KIF5C: variants seen among roughly 807,000 people sequenced by gnomAD.
The protein encoded by KIF5C is kinesin family member 5C, also known as kinesin heavy chain isoform 5C.
KIF5C carries 18 observed loss-of-function variants against 125.2 expected under a neutral mutation model. The ratio of observed to expected loss-of-function variants is 0.14; its 90% CI spans 0.10 to 0.21. The LOEUF is 0.21. KIF5C is among the 10% of genes least tolerant of loss of function. KIF5C has a pLI of 1.00. For synonymous variants in KIF5C, 405 were observed against 434.0 expected (o/e 0.93, Z 0.83); for missense variants, 780 against 1,183.8 (o/e 0.66, Z 5.01).
Position 148,912,194 on chromosome 2 carries a change from AG to A in KIF5C, c.127-9939del, listed in dbSNP as rs548668031. On this transcript the variant is annotated intron_variant, in intron 1 of 25. Coordinates refer to ENST00000435030, the MANE Select transcript of KIF5C (RefSeq NM_004522.3). Reference sequence around the variant, plus strand: ...ATGGTGGAACTTCAAGTCAGGAAGCAGGGGCAGGGGCTGGCAGAAGGAAGTG... The same window carrying A: ...ATGGTGGAACTTCAAGTCAGGAAGCAGGGCAGGGGCTGGCAGAAGGAAGTG... Among the ~76,000 whole-genome samples the A allele has an allele frequency of 1.7e-3, 255 of 152,350 alleles. 1 individual carries two copies. The highest frequency in any genetic ancestry group is 5.9e-3 in the African/African-American group (246 of 41,586).
intron 1 of KIF5C, among the ~76,000 whole-genome samples, chr2:148,895,681 C>G (rs1681819954): frequency 6.6e-6 from 1 of 152,132 alleles, no homozygotes; most frequent in Non-Finnish European, 1.5e-5. Context: ...CAAAATACTA[C>G]AGACTCAGTG....
At chr2:148,886,323 C>T (rs981480985) in intron 1 of KIF5C, 1 of 152,522 alleles carries the variant, frequency 6.6e-6, no homozygotes, top group African/African-American at 2.4e-5. Context: ...ACTTTTTTCT[C>T]TCCTCTCTGA....
chr2:148,907,990 G>T (rs1235599114), intron 1 of KIF5C, among the ~76,000 whole-genome samples: 1 of 152,224 alleles, frequency 6.6e-6, no homozygotes, highest in South Asian at 2.1e-4. Context: ...GGCTGTTCCT[G>T]TCTCAAATCT....
chr2:148,925,755 G>A (rs1325774578), intron 2 of KIF5C, among the ~76,000 whole-genome samples: 2 of 152,218 alleles, frequency 1.3e-5, no homozygotes, highest in Admixed American at 1.3e-4. Context: ...GCAAAAGACA[G>A]GGCTAGGAAT....
At chr2:148,919,119 A>C (rs1298613674) in intron 1 of KIF5C, among the ~76,000 whole-genome samples, 1 of 152,228 alleles carries the variant, frequency 6.6e-6, no homozygotes, top group African/African-American at 2.4e-5. Flanking sequence ...GGACACCTAA[A>C]TGGAAATGTC....
chr2:148,910,688 T>A (rs887413937), intron 1 of KIF5C, among the ~76,000 whole-genome samples: 1 of 152,156 alleles, frequency 6.6e-6, no homozygotes, highest in Non-Finnish European at 1.5e-5. Context: ...ACTAGGGGGA[T>A]CATATACCAT....
intron 14 of KIF5C, 140 bp from the exon 15 acceptor site, chr2:148,983,478 CGA>C (rs1681290447): frequency 8.5e-7 from 1 of 1,181,762 alleles, no homozygotes; most frequent in Non-Finnish European, 1.1e-6. Flanking sequence ...CAGTGCTATG[CGA>C]GAGTTTGCCT....
At chr2:149,006,534 C>G (rs1682014871) in intron 22 of KIF5C, among the ~76,000 whole-genome samples, 1 of 152,182 alleles carries the variant, frequency 6.6e-6, no homozygotes, top group South Asian at 2.1e-4. Context: ...ATGGTTCAGG[C>G]TGCCAAGGTA....
intron 12 of KIF5C, 22 bp downstream of exon 12, chr2:148,973,533 G>A: frequency 2.5e-6 from 4 of 1,587,094 alleles, no homozygotes; most frequent in Non-Finnish European, 3.4e-6. Context: ...GAGATTCATA[G>A]TTCTCATTCT....
Position 149,024,072 on chromosome 2 carries a change from GC to G in KIF5C, c.*1004del, listed in dbSNP as rs1682611857. 1 of 152,254 alleles carries G rather than the reference GC, an allele frequency of 6.6e-6. No homozygotes were observed. The highest frequency in any genetic ancestry group is 2.1e-4 in the South Asian group (1 of 4,826). 9.4% of individuals were successfully genotyped at this position (152,254 alleles called of 1,614,324 possible). On this transcript the variant is annotated 3_prime_UTR_variant, in exon 26 of 26. Coordinates refer to ENST00000435030, the MANE Select transcript of KIF5C (RefSeq NM_004522.3). ...CTTTGTGCTTGTGTATGAGTAAGTT[GC>G]CATGAATAAGTTATTATTTTAACCC... is the stretch of plus-strand genomic sequence containing the variant.
chr2:148,916,052 C>A (rs1681536725), intron 1 of KIF5C, among the ~76,000 whole-genome samples: 1 of 152,204 alleles, frequency 6.6e-6, no homozygotes, highest in Non-Finnish European at 1.5e-5. Flanking sequence ...GCCAGAAAAG[C>A]CTTCAGGTAG....
At chr2:148,959,871 C>T (rs1682883944) in intron 10 of KIF5C, among the ~76,000 whole-genome samples, 1 of 152,172 alleles carries the variant, frequency 6.6e-6, no homozygotes, top group African/African-American at 2.4e-5. Flanking sequence ...TTTGGGTTGG[C>T]TGTGTCCCTA....
chr2:148,970,634 C>T (rs1474738801), intron 11 of KIF5C, among the ~76,000 whole-genome samples: 1 of 152,196 alleles, frequency 6.6e-6, no homozygotes, highest in African/African-American at 2.4e-5. Context: ...GAATCTCTGC[C>T]ATCTGGGACA....
intron 13 of KIF5C, among the ~76,000 whole-genome samples, chr2:148,980,379 C>A (rs1681197756): frequency 6.6e-6 from 1 of 152,132 alleles, no homozygotes; most frequent in Non-Finnish European, 1.5e-5. Context: ...TAACATTTTT[C>A]TTTTTCTATA....
chr2:148,941,887 T>C, intron 5 of KIF5C, 48 bp from the exon 6 acceptor site: 1 of 1,596,026 alleles, frequency 6.3e-7, no homozygotes, highest in South Asian at 1.2e-5. Flanking sequence ...ATATAGAGTC[T>C]TTAACTTTTA....
chr2:148,906,644 C>T lies in KIF5C; in HGVS notation c.127-15493C>T, dbSNP rs568848058. On this transcript the variant is annotated intron_variant, in intron 1 of 25. Transcript: ENST00000435030. ...CTTTGGGAGGCTGAGGTGGGAGGAT[C>T]GCTTGAGCTCAGGGGTTCGAGACCA... is the stretch of plus-strand genomic sequence containing the variant. Among the ~76,000 whole-genome samples, 16 of 151,460 alleles carry T rather than the reference C, an allele frequency of 1.1e-4. No homozygotes were observed. In the South Asian group the frequency reaches 1.3e-3, roughly 12 times the overall value.
In KIF5C at chr2:148,876,317, G is replaced by C. The variant is rs1210475307; in HGVS notation, c.126+574G>C. Among the ~76,000 whole-genome samples the C allele has an allele frequency of 6.6e-6, 1 of 152,250 alleles. No homozygotes were observed. Among genetic ancestry groups the C allele is most frequent in the Non-Finnish European group, 1.5e-5 (1 of 68,034 alleles). ...CTGGCTCCGCGCGCGGAAGGCGGAG[G>C]GTTGGGGGAGTACTGGTGGCCTCGG... On this transcript the variant is annotated intron_variant, in intron 1 of 25. Coordinates refer to ENST00000435030, the MANE Select transcript of KIF5C (RefSeq NM_004522.3). The surrounding 1 kb of genome is among the most constrained non-coding windows in gnomAD (Gnocchi z 4.7).
chr2:149,011,507 C>T, intron 24 of KIF5C, 63 bp from the exon 25 acceptor site: 1 of 1,593,954 alleles, frequency 6.3e-7, no homozygotes, highest in Non-Finnish European at 8.6e-7. Flanking sequence ...CTGTAGATAT[C>T]AGGGTTGCTG....
chr2:149,000,819 A>C, intron 21 of KIF5C, 37 bp downstream of exon 21: 1 of 1,608,668 alleles, frequency 6.2e-7, no homozygotes. Context: ...GTTTGTCTCC[A>C]AGACCGGATT....
Sources: allele counts gnomAD v4.1 joint callset (sites outside exome capture counted in the v4.1 genomes callset), GRCh38; gene constraint gnomAD v4.1.1; non-coding constraint Gnocchi (gnomAD v3.1); transcripts MANE v1.5; gene names NCBI Gene and HGNC (gene_info 2026-07-23, HGNC 2026-07-21).